The following WDR70 variants were observed in gnomAD, a reference collection of about 807,000 sequenced individuals.
The protein encoded by WDR70 is WD repeat-containing protein 70.
WDR70 carries 53 observed loss-of-function variants against 88.6 expected under a neutral mutation model. The ratio of observed to expected loss-of-function variants is 0.60; its 90% CI spans 0.48 to 0.75. WDR70 has a LOEUF of 0.75. Among genes scored for constraint, WDR70 ranks in the 30% least tolerant of loss-of-function variants. The pLI, the probability that WDR70 is intolerant of heterozygous loss-of-function variation, is 0.00. For synonymous variants in WDR70, 280 were observed against 270.0 expected (o/e 1.04, Z -0.36); for missense variants, 610 against 823.2 (o/e 0.74, Z 3.17).
In WDR70 at chr5:37,701,052, T is replaced by C; in HGVS notation, c.1193-6T>C. The stretch of plus-strand genomic sequence containing the variant: ...TGTCTTTTTTTTCCCCTCATTCCTC[T>C]GTCAGGTGACGATTCATTAAAATTA... On this transcript the variant is annotated splice_region_variant and splice_polypyrimidine_tract_variant and intron_variant, in intron 11 of 17. Transcript: ENST00000265107. The C allele has an allele frequency of 6.3e-7, 1 of 1,594,228 alleles. No homozygotes were observed. Among genetic ancestry groups the C allele is most frequent in the Non-Finnish European group, 8.6e-7 (1 of 1,162,484 alleles).
chr5:37,441,918 A>G (rs1447323979), intron 6 of WDR70, among the ~76,000 whole-genome samples: 1 of 152,144 alleles, frequency 6.6e-6, no homozygotes, highest in African/African-American at 2.4e-5. Flanking sequence ...CTTAGAGGGC[A>G]GTAGATCTAG....
intron 6 of WDR70, among the ~76,000 whole-genome samples, chr5:37,441,354 C>T (rs1475749040): frequency 6.6e-6 from 1 of 151,966 alleles, no homozygotes; most frequent in Non-Finnish European, 1.5e-5. Flanking sequence ...CTAATTTTAA[C>T]ATAAGTATTA....
intron 8 of WDR70, chr5:37,506,716 C>CA: frequency 1.2e-6 from 1 of 844,470 alleles, no homozygotes; most frequent in South Asian, 1.3e-5. Flanking sequence ...TCAGTCAGTC[C>CA]ACCTTTCTCA....
chr5:37,390,717 GTT>G (rs560301932), intron 3 of WDR70, among the ~76,000 whole-genome samples: 8 of 132,426 alleles, frequency 6.0e-5, no homozygotes, highest in Non-Finnish European at 8.1e-5. Flanking sequence ...AAAAAGTGCT[GTT>G]TTTTTTTTTT....
At chr5:37,410,580 A>G (rs778721368) in intron 5 of WDR70, among the ~76,000 whole-genome samples, 3 of 151,976 alleles carry the variant, frequency 2.0e-5, no homozygotes, top group Non-Finnish European at 4.4e-5. Flanking sequence ...TTTTCCAATC[A>G]TATATTAAGA....
Position 37,437,874 on chromosome 5 carries a change from A to T in WDR70, c.493-48A>T, listed in dbSNP as rs762721900. On this transcript the variant is annotated intron_variant, in intron 5 of 17. Transcript: ENST00000265107. ...TGTGAAATGTGTTGTGTAGTTCCCC[A>T]CAAATATGTTATTTTACCATTAATG... is the stretch of plus-strand genomic sequence containing the variant. 5.8e-6 allele frequency: 9 copies of T among 1,558,942 alleles called. No individual in the cohort carries two copies. The African/African-American group carries it at 1.2e-4, about 21-fold the overall frequency.
intron 10 of WDR70, among the ~76,000 whole-genome samples, chr5:37,649,581 T>G (rs1019417790): frequency 6.6e-6 from 1 of 151,450 alleles, no homozygotes; most frequent in Middle Eastern, 3.2e-3. Context: ...TTAAGCTTTC[T>G]GATCTTTTAT....
At chr5:37,661,919 C>T (rs1383206280) in intron 10 of WDR70, among the ~76,000 whole-genome samples, 1 of 152,162 alleles carries the variant, frequency 6.6e-6, no homozygotes, top group Non-Finnish European at 1.5e-5. Flanking sequence ...ACTGTAATTT[C>T]TAATCTTGTA....
chr5:37,489,291 G>A (rs1739990109), intron 8 of WDR70, among the ~76,000 whole-genome samples: 2 of 152,204 alleles, frequency 1.3e-5, no homozygotes, highest in Admixed American at 1.3e-4. Flanking sequence ...GCTTTTTGAG[G>A]TGCCAGTAGT....
chr5:37,434,783 T>C (rs1750419775), intron 5 of WDR70, among the ~76,000 whole-genome samples: 1 of 152,252 alleles, frequency 6.6e-6, no homozygotes, highest in Admixed American at 6.5e-5. Context: ...TATTTTCCTC[T>C]CTTCCATTGG....
chr5:37,617,155 A>G (rs1744368955), intron 10 of WDR70, among the ~76,000 whole-genome samples: 1 of 152,222 alleles, frequency 6.6e-6, no homozygotes, highest in South Asian at 2.1e-4. Context: ...ACTACCATTA[A>G]CTACATGTTT....
intron 5 of WDR70, among the ~76,000 whole-genome samples, chr5:37,411,512 G>A (rs893297480): frequency 6.6e-6 from 1 of 152,088 alleles, no homozygotes; most frequent in Admixed American, 6.6e-5. Flanking sequence ...GATCAGTTGA[G>A]GTCATGAGTT....
At chr5:37,481,670 C>G (rs945634704) in intron 8 of WDR70, among the ~76,000 whole-genome samples, 3 of 152,142 alleles carry the variant, frequency 2.0e-5, no homozygotes, top group African/African-American at 7.2e-5. Flanking sequence ...CTCTAACATG[C>G]CCTGGAGACA....
At position 37,701,115 on chromosome 5, in the gene WDR70, C is replaced by G; in HGVS notation, c.1250C>G (p.Ala417Gly). 6.2e-7 allele frequency: 1 copy of G among 1,610,752 alleles called. No homozygotes were observed. The change falls in exon 12 of 18, where the codon GCC (alanine) becomes GGC (glycine). Residue 417 changes from alanine (A) to glycine (G), a missense_variant. Ala to Gly is a moderately conservative substitution (Grantham distance 60, BLOSUM62 0). Coordinates refer to ENST00000265107, the MANE Select transcript of WDR70 (RefSeq NM_018034.4). ...IRQFNKPLFSASGLPTMFPMT... is the reference protein window; with the variant it reads ...IRQFNKPLFSGSGLPTMFPMT... Reference sequence around the variant, plus strand: ...CAATTTAATAAACCACTTTTTTCAGCCTCGGGTCTTCCCACCATGTTCCCA... The same window carrying G: ...CAATTTAATAAACCACTTTTTTCAGGCTCGGGTCTTCCCACCATGTTCCCA...
At chr5:37,423,761 T>C (rs1750026500) in intron 5 of WDR70, among the ~76,000 whole-genome samples, 1 of 150,122 alleles carries the variant, frequency 6.7e-6, no homozygotes, top group African/African-American at 2.4e-5. Flanking sequence ...AGATGGGGTT[T>C]CACTGTTGGC....
intron 5 of WDR70, among the ~76,000 whole-genome samples, chr5:37,410,330 T>C (rs563759705): frequency 6.6e-6 from 1 of 151,980 alleles, no homozygotes; most frequent in Admixed American, 6.6e-5. Context: ...TCAGCCACTG[T>C]GCCTGGCCTG....
chr5:37,381,533 T>C, intron 2 of WDR70, 69 bp from the exon 3 acceptor site: 1 of 1,246,678 alleles, frequency 8.0e-7, no homozygotes, highest in Non-Finnish European at 1.2e-6. Context: ...TATTGATCAG[T>C]ATTGATCACC....
intron 10 of WDR70, among the ~76,000 whole-genome samples, chr5:37,613,269 C>G (rs1489249968): frequency 6.6e-6 from 1 of 152,128 alleles, no homozygotes; most frequent in Non-Finnish European, 1.5e-5. Context: ...CACATTTGTT[C>G]AACCATGCTT....
chr5:37,683,707 T>G (rs997613121), intron 10 of WDR70, among the ~76,000 whole-genome samples: 2 of 152,160 alleles, frequency 1.3e-5, no homozygotes, highest in Non-Finnish European at 2.9e-5. Flanking sequence ...TGCTGAGAGG[T>G]CCACTCTTAG....
Sources: allele counts gnomAD v4.1 joint callset (sites outside exome capture counted in the v4.1 genomes callset), GRCh38; gene constraint gnomAD v4.1.1; transcripts MANE v1.5; gene names NCBI Gene and HGNC (gene_info 2026-07-23, HGNC 2026-07-21).